SYN3: variants seen among roughly 807,000 people sequenced by gnomAD.
The protein encoded by SYN3 is synapsin-3.
Under a neutral mutation model 65.8 loss-of-function variants are expected in SYN3, and 35 were observed. The ratio of observed to expected loss-of-function variants is 0.53; its 90% CI spans 0.41 to 0.70. SYN3 has a LOEUF of 0.70. SYN3 is among the 30% of genes least tolerant of loss of function. SYN3 has a pLI of 0.00. For synonymous variants in SYN3, 270 were observed against 292.9 expected (o/e 0.92, Z 0.80); for missense variants, 680 against 749.0 (o/e 0.91, Z 1.08).
At chr22:32,860,891 C>G (rs2048515738) in intron 6 of SYN3, 1 of 149,520 alleles carries the variant, frequency 6.7e-6, no homozygotes, top group Non-Finnish European at 1.5e-5. Context: ...GAGTTTGCAA[C>G]CAGTTGTAGG....
intron 3 of SYN3, among the ~76,000 whole-genome samples, chr22:32,966,484 T>C (rs186365334): frequency 1.3e-5 from 2 of 152,130 alleles, no homozygotes; most frequent in Non-Finnish European, 2.9e-5. Flanking sequence ...GAGGGCCTTG[T>C]GTGCAGAGCT....
At chr22:32,655,270 C>T (rs991106595) in intron 6 of SYN3, among the ~76,000 whole-genome samples, 1 of 152,202 alleles carries the variant, frequency 6.6e-6, no homozygotes, top group Non-Finnish European at 1.5e-5. Flanking sequence ...AGACACTGAA[C>T]CTGTTAGCAC....
At chr22:32,792,877 G>A (rs773651787) in intron 6 of SYN3, among the ~76,000 whole-genome samples, 4 of 152,210 alleles carry the variant, frequency 2.6e-5, no homozygotes, top group Admixed American at 1.3e-4. Context: ...GAAGTCTTCA[G>A]GAAGAGTGCT....
intron 3 of SYN3, among the ~76,000 whole-genome samples, chr22:32,978,080 A>T (rs2052260751): frequency 6.6e-6 from 1 of 152,184 alleles, no homozygotes; most frequent in Non-Finnish European, 1.5e-5. Context: ...ACTTCAAAGA[A>T]CCTAATTTGC....
At position 32,755,989 on chromosome 22, in the gene SYN3, C is replaced by T. The variant is rs544927224; in HGVS notation, c.711+108926G>A. Among the ~76,000 whole-genome samples the T allele has an allele frequency of 5.5e-4, 83 of 150,744 alleles. 1 individual carries two copies. The highest frequency in any genetic ancestry group is 2.0e-3 in the African/African-American group (81 of 40,896). On this transcript the variant is annotated intron_variant, in intron 6 of 13. Transcript: ENST00000358763. Reference sequence around the variant, plus strand: ...CACAGGAACAGAAAAACAAACGCCGCATGTTTTTACTCGTAAGTGGGAGTT... The same window carrying T: ...CACAGGAACAGAAAAACAAACGCCGTATGTTTTTACTCGTAAGTGGGAGTT...
intron 6 of SYN3, among the ~76,000 whole-genome samples, chr22:32,756,074 T>C (rs1395122760): frequency 2.0e-5 from 3 of 150,420 alleles, no homozygotes; most frequent in East Asian, 1.9e-4. Flanking sequence ...CCTGTGGGGG[T>C]TGGGGGGCTT....
intron 1 of SYN3, among the ~76,000 whole-genome samples, chr22:33,013,216 A>G (rs2053392533): frequency 6.6e-6 from 1 of 152,228 alleles, no homozygotes; most frequent in South Asian, 2.1e-4. Flanking sequence ...ATGTTAGTCA[A>G]AGGCTTCTCA....
chr22:32,639,015 G>A (rs576582007), intron 6 of SYN3, among the ~76,000 whole-genome samples: 84 of 152,078 alleles, frequency 5.5e-4, no homozygotes, highest in African/African-American at 1.9e-3. Flanking sequence ...GTGCAGTGGC[G>A]CGATCTCAGC....
chr22:33,020,207 T>C (rs1601916960), intron 1 of SYN3, among the ~76,000 whole-genome samples: 1 of 152,320 alleles, frequency 6.6e-6, no homozygotes, highest in East Asian at 1.9e-4. Context: ...TAGTTAACCA[T>C]GGAAACGTGT....
chr22:32,629,463 G>A (rs1258511367), intron 6 of SYN3: 1 of 152,228 alleles, frequency 6.6e-6, no homozygotes, highest in African/African-American at 2.4e-5. Flanking sequence ...ACCTAATGAT[G>A]AAAGAGGCTT....
intron 7 of SYN3, among the ~76,000 whole-genome samples, chr22:32,577,865 A>G (rs1464556658): frequency 1.3e-5 from 2 of 152,206 alleles, no homozygotes; most frequent in South Asian, 4.1e-4. Context: ...GGCACCTCAC[A>G]GAAAGGCTTC....
intron 6 of SYN3, among the ~76,000 whole-genome samples, chr22:32,780,581 C>T (rs940562483): frequency 1.3e-5 from 2 of 152,146 alleles, no homozygotes; most frequent in Non-Finnish European, 2.9e-5. Context: ...TCACCAGGTG[C>T]CTTGCATATG....
At chr22:32,597,204 CTTTTTTTTTTT>C (rs6147592) in intron 6 of SYN3, among the ~76,000 whole-genome samples, 23,426 of 87,900 alleles carry the variant, frequency 0.27, 2,745 homozygotes, top group East Asian at 0.5. Context: ...ACATTATTCT[CTTTTTTTTTTT>C]TTTTTTTTTT....
At chr22:32,658,878 G>C (rs2060178634) in intron 6 of SYN3, among the ~76,000 whole-genome samples, 1 of 152,220 alleles carries the variant, frequency 6.6e-6, no homozygotes, top group Non-Finnish European at 1.5e-5. Flanking sequence ...GTTATATGTA[G>C]CGATAATAAC....
intron 4 of SYN3, among the ~76,000 whole-genome samples, chr22:32,891,161 A>C (rs1003362032): frequency 3.3e-5 from 5 of 152,126 alleles, no homozygotes; most frequent in Admixed American, 6.6e-5. Flanking sequence ...CAGCTTCCAG[A>C]CTTTGCTTTC....
intron 7 of SYN3, among the ~76,000 whole-genome samples, chr22:32,568,528 G>T (rs1206569819): frequency 1.3e-5 from 2 of 152,170 alleles, no homozygotes; most frequent in African/African-American, 4.8e-5. Context: ...TGTTCTGGAG[G>T]CTGGGAAGTC....
rs2057761884 is a variant in SYN3, at chr22:32,515,820, A to T, written c.1611-1996T>A. On this transcript the variant is annotated intron_variant, in intron 13 of 13. Transcript: ENST00000358763. The stretch of plus-strand genomic sequence containing the variant: ...CTCCAGGATTTTTTTTTTTTTCGAG[A>T]TGGAGTCTTGCTCTGTCACCCAGGC... 2.0e-5 allele frequency among the ~76,000 whole-genome samples: 3 copies of T among 151,242 alleles called. No homozygotes were observed. In the South Asian group the frequency reaches 6.3e-4, roughly 32 times the overall value.
chr22:32,872,159 AGCT>A (rs2146363817), intron 4 of SYN3, among the ~76,000 whole-genome samples: 1 of 152,266 alleles, frequency 6.6e-6, no homozygotes, highest in South Asian at 2.1e-4. Context: ...TTGTTTGATT[AGCT>A]GCTTAACTGT....
chr22:32,918,899 A>T (rs1274668998), intron 4 of SYN3, among the ~76,000 whole-genome samples: 1 of 152,236 alleles, frequency 6.6e-6, no homozygotes, highest in Non-Finnish European at 1.5e-5. Flanking sequence ...TGGAGAAGGC[A>T]GAGCCGGGAT....
Sources: allele counts gnomAD v4.1 joint callset (sites outside exome capture counted in the v4.1 genomes callset), GRCh38; gene constraint gnomAD v4.1.1; transcripts MANE v1.5; gene names NCBI Gene and HGNC (gene_info 2026-07-23, HGNC 2026-07-21).